RGS6: variants seen among roughly 807,000 people sequenced by gnomAD.
The protein encoded by RGS6 is regulator of G protein signaling 6, also known as regulator of G-protein signaling 6.
A neutral mutation model predicts 78.5 loss-of-function variants in RGS6; 30 were observed. The observed-to-expected ratio is 0.38, with a 90% CI of 0.29 to 0.52. The LOEUF (loss-of-function observed/expected upper bound fraction) is 0.52, where lower values mean the gene tolerates loss of function less well. Ranked by LOEUF, RGS6 falls within the 20% of genes least tolerant of loss-of-function variation. RGS6 has a pLI of 0.85. For missense variants in RGS6, 495 were observed against 609.7 expected, an observed-to-expected ratio of 0.81 and a Z score of 1.98; for synonymous variants, 206 against 206.0, an observed-to-expected ratio of 1.00 and a Z score of 0.00.
At chr14:72,198,079 G>T (rs2040613484) in intron 2 of RGS6, among the ~76,000 whole-genome samples, 1 of 152,050 alleles carries the variant, frequency 6.6e-6, no homozygotes, top group South Asian at 2.1e-4. Flanking sequence ...CCAACATCTT[G>T]GCTGGGCGCA....
chr14:71,993,940 G>A (rs368103059), intron 2 of RGS6, among the ~76,000 whole-genome samples: 1 of 151,512 alleles, frequency 6.6e-6, no homozygotes, highest in Admixed American at 6.6e-5. Context: ...GAGTTGGAAG[G>A]CATCTTAGCC....
At chr14:72,243,096 C>T (rs12432632) in intron 2 of RGS6, among the ~76,000 whole-genome samples, 62,283 of 151,742 alleles carry the variant, frequency 0.41, 13,680 homozygotes, top group Non-Finnish European at 0.49. Flanking sequence ...ACGATCCACC[C>T]GCCTCGGCCT....
At chr14:72,160,589 A>G (rs532202772) in intron 2 of RGS6, among the ~76,000 whole-genome samples, 1 of 152,244 alleles carries the variant, frequency 6.6e-6, no homozygotes, top group Non-Finnish European at 1.5e-5. Flanking sequence ...CAGTCTTTCA[A>G]AAGGTGATTA....
the RGS6 span, chr14:72,619,353 G>A: frequency 6.5e-7 from 1 of 1,536,128 alleles, no homozygotes; most frequent in Non-Finnish European, 8.7e-7. Context: ...CAGCATAAGT[G>A]GCAGCTCCAG....
At chr14:71,875,729 G>T in the RGS6 span, among the ~76,000 whole-genome samples, 506 of 151,996 alleles carry the variant, frequency 3.3e-3, 2 homozygotes, top group Non-Finnish European at 5.4e-3. Context: ...TCTTTGAATT[G>T]TGATGTTAGG....
At chr14:72,347,278 C>T (rs561499724) in intron 2 of RGS6, among the ~76,000 whole-genome samples, 2 of 152,326 alleles carry the variant, frequency 1.3e-5, no homozygotes, top group South Asian at 4.1e-4. Context: ...ATCACCCCAT[C>T]CCTGACCCAC....
intron 10 of RGS6, among the ~76,000 whole-genome samples, chr14:72,475,826 A>ACGCG (rs1555424279): frequency 1.2e-5 from 1 of 84,118 alleles, no homozygotes; most frequent in Non-Finnish European, 2.3e-5. Flanking sequence ...AAAAAAAAAT[A>ACGCG]CACGCACACA....
intron 2 of RGS6, among the ~76,000 whole-genome samples, chr14:71,980,789 C>T (rs1290762564): frequency 1.1e-5 from 1 of 90,402 alleles, no homozygotes; most frequent in African/African-American, 4.2e-5. Context: ...TCTGTATTTC[C>T]TGAATCTGAA....
At chr14:72,057,312 TG>T (rs2093664885) in intron 2 of RGS6, among the ~76,000 whole-genome samples, 1 of 70,962 alleles carries the variant, frequency 1.4e-5, no homozygotes, top group African/African-American at 7.7e-5. Flanking sequence ...AGACTCTATC[TG>T]AAAAAAAAAA....
chr14:72,181,152 A>G (rs557044233), intron 2 of RGS6, among the ~76,000 whole-genome samples: 6 of 152,322 alleles, frequency 3.9e-5, no homozygotes, highest in African/African-American at 1.4e-4. Flanking sequence ...ATTTGTCCCC[A>G]TTTAATTATA....
the RGS6 span, among the ~76,000 whole-genome samples, chr14:71,897,654 G>A: frequency 6.6e-6 from 1 of 151,582 alleles, no homozygotes; most frequent in East Asian, 1.9e-4. Context: ...CTGAGTAGCT[G>A]GGATTACAGG....
At chr14:72,475,206 T>C (rs8010322) in intron 10 of RGS6, among the ~76,000 whole-genome samples, 4,126 of 70,918 alleles carry the variant, frequency 0.058, 179 homozygotes, top group African/African-American at 0.18. Flanking sequence ...ATGGTTTTTT[T>C]TTTTTTTTTT....
At chr14:72,011,324 G>T (rs1203802026) in intron 2 of RGS6, among the ~76,000 whole-genome samples, 1 of 152,118 alleles carries the variant, frequency 6.6e-6, no homozygotes, top group Admixed American at 6.5e-5. Context: ...ATATACTTGG[G>T]CCTGATGGAT....
the RGS6 span, among the ~76,000 whole-genome samples, chr14:71,900,474 T>C: frequency 6.6e-6 from 1 of 152,198 alleles, no homozygotes; most frequent in Non-Finnish European, 1.5e-5. Context: ...TGTGGCCATA[T>C]ATTCATTTAA....
intron 3 of RGS6, among the ~76,000 whole-genome samples, chr14:72,398,653 A>ATT (rs2091878259): frequency 6.6e-6 from 1 of 152,060 alleles, no homozygotes; most frequent in African/African-American, 2.4e-5. Flanking sequence ...TAGGGTGTCA[A>ATT]TTTTAGACCT....
chr14:72,436,641 T>G (rs1433242077), intron 3 of RGS6, among the ~76,000 whole-genome samples: 3 of 152,192 alleles, frequency 2.0e-5, no homozygotes, highest in African/African-American at 7.2e-5. Flanking sequence ...CAAAATGTGG[T>G]CATTTCCTCT....
intron 17 of RGS6, among the ~76,000 whole-genome samples, chr14:72,553,788 A>G (rs530373640): frequency 1.0e-3 from 153 of 152,060 alleles, no homozygotes; most frequent in African/African-American, 3.6e-3. Context: ...AGCTTCCATA[A>G]CTCTTCCTCT....
intron 5 of RGS6, 29 bp from the exon 6 acceptor site, chr14:72,459,603 T>G: frequency 1.2e-6 from 2 of 1,613,460 alleles, no homozygotes; most frequent in Non-Finnish European, 1.7e-6. Flanking sequence ...GGCGCGCCCC[T>G]GAGCACTAAC....
At chr14:71,990,267 T>C (rs190799932) in intron 2 of RGS6, among the ~76,000 whole-genome samples, 30 of 152,172 alleles carry the variant, frequency 2.0e-4, no homozygotes, top group East Asian at 1.5e-3. Context: ...AATTTCAACA[T>C]GAGATTTGAT....
Sources: gnomAD v4.1 joint callset for allele counts (sites outside exome capture counted in the v4.1 genomes callset) on GRCh38, gnomAD v4.1.1 for gene constraint, MANE v1.5 for transcripts, NCBI Gene and HGNC (gene_info 2026-07-23, HGNC 2026-07-21) for gene names.